Variants in ATF1 observed in about 807,000 individuals in gnomAD.
ATF1 encodes activating transcription factor 1, also known as cyclic AMP-dependent transcription factor ATF-1.
ATF1 carries 16 observed loss-of-function variants against 34.7 expected under a neutral mutation model. The observed-to-expected ratio is 0.46, with a 90% confidence interval of 0.31 to 0.70. ATF1 has a LOEUF of 0.70. ATF1 is among the 30% of genes least tolerant of loss of function. ATF1 has a pLI of 0.05. For synonymous variants in ATF1, 105 were observed against 113.1 expected, an observed-to-expected ratio of 0.93 and a Z score of 0.46; for missense variants, 255 against 321.6, an observed-to-expected ratio of 0.79 and a Z score of 1.58.
intron 2 of ATF1, among the ~76,000 whole-genome samples, chr12:50,785,118 C>T (rs899554018): frequency 6.8e-6 from 1 of 147,948 alleles, no homozygotes; most frequent in Non-Finnish European, 1.5e-5. Flanking sequence ...GTTTGAGCAA[C>T]TGTTAAGAAT....
At chr12:50,795,861 C>T in intron 2 of ATF1, 48 bp from the exon 3 acceptor site, 1 of 1,440,796 alleles carries the variant, frequency 6.9e-7, no homozygotes. Flanking sequence ...TCAGTTGTTT[C>T]TTTTCCCACC....
At chr12:50,778,459 G>A (rs953465845) in intron 1 of ATF1, among the ~76,000 whole-genome samples, 1 of 151,766 alleles carries the variant, frequency 6.6e-6, no homozygotes, top group Non-Finnish European at 1.5e-5. Context: ...TCTTGACCTC[G>A]TGATCCACCC....
chr12:50,777,129 C>T (rs1336601739), intron 1 of ATF1, among the ~76,000 whole-genome samples: 2 of 152,140 alleles, frequency 1.3e-5, no homozygotes, highest in African/African-American at 2.4e-5. Flanking sequence ...GCTGGGATTA[C>T]AGGCATGAGC....
intron 6 of ATF1, among the ~76,000 whole-genome samples, chr12:50,817,879 C>A (rs1044602744): frequency 6.6e-6 from 1 of 152,142 alleles, no homozygotes; most frequent in Non-Finnish European, 1.5e-5. Context: ...CAGTGAGGTT[C>A]GCTTTTTGTC....
At chr12:50,780,622 G>A (rs891473999) in intron 2 of ATF1, among the ~76,000 whole-genome samples, 21 of 150,330 alleles carry the variant, frequency 1.4e-4, no homozygotes, top group African/African-American at 5.2e-4. Flanking sequence ...TGGGATTACA[G>A]GTGTGAGCCA....
chr12:50,795,301 T>C (rs1050373607), intron 2 of ATF1, among the ~76,000 whole-genome samples: 4 of 152,180 alleles, frequency 2.6e-5, no homozygotes, highest in Admixed American at 6.5e-5. Context: ...TGGTGACTCC[T>C]TAGTCTCATT....
chr12:50,793,296 G>A (rs1385706515), intron 2 of ATF1, among the ~76,000 whole-genome samples: 1 of 152,024 alleles, frequency 6.6e-6, no homozygotes, highest in African/African-American at 2.4e-5. Context: ...GTAAGCTTAG[G>A]AACAGACAGT....
intron 2 of ATF1, among the ~76,000 whole-genome samples, chr12:50,782,181 A>T (rs1351485516): frequency 6.6e-6 from 1 of 152,196 alleles, no homozygotes; most frequent in East Asian, 1.9e-4. Context: ...ACAATGTATG[A>T]TAACATAATT....
At chr12:50,795,066 T>C (rs1456512167) in intron 2 of ATF1, among the ~76,000 whole-genome samples, 1 of 152,242 alleles carries the variant, frequency 6.6e-6, no homozygotes, top group African/African-American at 2.4e-5. Flanking sequence ...TGTATTAACT[T>C]GTGAAATGAG....
chr12:50,783,469 T>C (rs889603525), intron 2 of ATF1, among the ~76,000 whole-genome samples: 3 of 152,208 alleles, frequency 2.0e-5, no homozygotes, highest in Non-Finnish European at 4.4e-5. Flanking sequence ...ATTTCAGTTA[T>C]TTTAGTTAGA....
chr12:50,813,306 TGTA>T (rs1941775502), intron 4 of ATF1, among the ~76,000 whole-genome samples: 1 of 152,180 alleles, frequency 6.6e-6, no homozygotes, highest in Admixed American at 6.5e-5. Context: ...CTTAATAACA[TGTA>T]ATACATTTAA....
At chr12:50,788,768 G>C (rs1414427342) in intron 2 of ATF1, among the ~76,000 whole-genome samples, 1 of 152,148 alleles carries the variant, frequency 6.6e-6, no homozygotes, top group Non-Finnish European at 1.5e-5. Context: ...CTATATTCCT[G>C]GCTGAGGTCA....
At chr12:50,798,741 A>G (rs1205065489) in intron 3 of ATF1, among the ~76,000 whole-genome samples, 2 of 152,238 alleles carry the variant, frequency 1.3e-5, no homozygotes, top group African/African-American at 4.8e-5. Context: ...CTCAAAAATC[A>G]TCAAACGTGC....
At position 50,820,168 on chromosome 12, in the gene ATF1, A is replaced by G; in HGVS notation, c.*389A>G. On this transcript the variant is annotated 3_prime_UTR_variant, in exon 7 of 7. Transcript: ENST00000262053. Reference sequence around the variant, plus strand: ...TGCTGAAATTTACCTTTTTTTAGTTATATATATGTGTGTGTGTGTGTGTAA... The same window carrying G: ...TGCTGAAATTTACCTTTTTTTAGTTGTATATATGTGTGTGTGTGTGTGTAA... 2 of 224,892 alleles carry G rather than the reference A, an allele frequency of 8.9e-6. No individual in the cohort carries two copies. Among genetic ancestry groups the G allele is most frequent in the Non-Finnish European group, 1.8e-5 (2 of 113,142 alleles). The allele number at this position is 224,892 out of a possible 1,614,324, so 13.9% of individuals were successfully genotyped here.
At chr12:50,818,491 TA>T (rs1308850513) in intron 6 of ATF1, among the ~76,000 whole-genome samples, 1 of 152,182 alleles carries the variant, frequency 6.6e-6, no homozygotes, top group Non-Finnish European at 1.5e-5. Flanking sequence ...AAGGTAAAAA[TA>T]AAGTCTTTTT....
chr12:50,796,593 TG>T (rs965730581), intron 3 of ATF1, among the ~76,000 whole-genome samples: 1 of 151,212 alleles, frequency 6.6e-6, no homozygotes, highest in Non-Finnish European at 1.5e-5. Context: ...CCCAGCTACT[TG>T]GGAGGCTGAG....
intron 3 of ATF1, among the ~76,000 whole-genome samples, chr12:50,805,532 T>C (rs1169702536): frequency 7.6e-6 from 1 of 131,496 alleles, no homozygotes; most frequent in Admixed American, 8.9e-5. Flanking sequence ...TACTCCAGCC[T>C]AGGTGACAGA....
chr12:50,773,373 C>G (rs1191207542), intron 1 of ATF1, among the ~76,000 whole-genome samples: 2 of 151,982 alleles, frequency 1.3e-5, no homozygotes, highest in Admixed American at 1.3e-4. Context: ...CTAATTTACA[C>G]TCCCACCAAC....
At chr12:50,792,048 A>G (rs979870054) in intron 2 of ATF1, among the ~76,000 whole-genome samples, 1 of 152,132 alleles carries the variant, frequency 6.6e-6, no homozygotes, top group East Asian at 1.9e-4. Flanking sequence ...TTTTTGCACA[A>G]TCAGTTCCTC....
Sources: gnomAD v4.1 joint callset for allele counts (sites outside exome capture counted in the v4.1 genomes callset) on GRCh38, gnomAD v4.1.1 for gene constraint, MANE v1.5 for transcripts, NCBI Gene and HGNC (gene_info 2026-07-23, HGNC 2026-07-21) for gene names.